Variants in FILIP1L observed in about 807,000 individuals in gnomAD.
FILIP1L encodes filamin A-interacting protein 1-like.
Under a neutral mutation model 96.6 loss-of-function variants are expected in FILIP1L, and 55 were observed. The observed-to-expected ratio is 0.57, with a 90% confidence interval of 0.46 to 0.71. The LOEUF (loss-of-function observed/expected upper bound fraction) is 0.71. Ranked by LOEUF, FILIP1L falls within the 30% of genes least tolerant of loss-of-function variation. FILIP1L has a pLI of 0.00. For synonymous variants in FILIP1L, 467 were observed against 473.9 expected (o/e 0.99, Z 0.19); for missense variants, 1,304 against 1,321.2 (o/e 0.99, Z 0.20).
chr3:99,983,297 G>A (rs1486310476), intron 1 of FILIP1L, among the ~76,000 whole-genome samples: 1 of 149,780 alleles, frequency 6.7e-6, no homozygotes, highest in Admixed American at 6.7e-5. Flanking sequence ...ACTTTGGGAG[G>A]CCAAGGCAGG....
At position 99,951,062 on chromosome 3, in the gene FILIP1L, C is replaced by T. The variant is rs536440904; in HGVS notation, c.-10-20032G>A. ...CCTTTGTCACTCTTTCTGCACCTAA[C>T]GTGCTGGCCTTGAGTTAAGTCACTT... On this transcript the variant is annotated intron_variant, in intron 1 of 5. Coordinates refer to ENST00000477258, the MANE Select transcript of FILIP1L (RefSeq NM_001387850.1). Among the ~76,000 whole-genome samples the T allele has an allele frequency of 1.1e-4, 16 of 152,338 alleles. No homozygotes were observed. The South Asian group carries it at 2.7e-3, about 26-fold the overall frequency.
intron 4 of FILIP1L, among the ~76,000 whole-genome samples, chr3:99,864,173 T>C (rs891115216): frequency 1.3e-5 from 2 of 152,226 alleles, no homozygotes; most frequent in Admixed American, 6.5e-5. Context: ...GCTTGAGTGT[T>C]GTATATCTAT....
At chr3:99,837,461 C>T (rs563298894) in intron 5 of FILIP1L, among the ~76,000 whole-genome samples, 28 of 151,736 alleles carry the variant, frequency 1.8e-4, no homozygotes, top group African/African-American at 5.6e-4. Context: ...ACAGCCAAAC[C>T]ACTAATTGTA....
At chr3:99,912,124 A>T (rs1180848525) in intron 4 of FILIP1L, among the ~76,000 whole-genome samples, 1 of 152,214 alleles carries the variant, frequency 6.6e-6, no homozygotes, top group African/African-American at 2.4e-5. Flanking sequence ...CAATCAAGTT[A>T]TACATCCATA....
intron 1 of FILIP1L, among the ~76,000 whole-genome samples, chr3:99,973,559 T>G (rs927074231): frequency 3.3e-5 from 5 of 152,228 alleles, no homozygotes; most frequent in African/African-American, 1.2e-4. Flanking sequence ...TAATGTTGCT[T>G]TATTTCATGA....
intron 4 of FILIP1L, among the ~76,000 whole-genome samples, chr3:99,912,121 G>T (rs1559685376): frequency 6.6e-6 from 1 of 152,112 alleles, no homozygotes; most frequent in Non-Finnish European, 1.5e-5. Context: ...AATCAATCAA[G>T]TTATACATCC....
At chr3:99,871,455 C>G (rs903222977) in intron 4 of FILIP1L, among the ~76,000 whole-genome samples, 1 of 151,900 alleles carries the variant, frequency 6.6e-6, no homozygotes, top group Non-Finnish European at 1.5e-5. Flanking sequence ...TAAAACTGAC[C>G]CTGAAGGAGT....
intron 1 of FILIP1L, among the ~76,000 whole-genome samples, chr3:100,010,837 C>T (rs1487565957): frequency 1.5e-5 from 2 of 129,972 alleles, no homozygotes; most frequent in African/African-American, 6.0e-5. Context: ...GCATGTTGGT[C>T]AGGCTGGTCT....
At chr3:100,066,517 CTTTTTTTTT>C (rs545356638) in intron 1 of FILIP1L, among the ~76,000 whole-genome samples, 6 of 38,320 alleles carry the variant, frequency 1.6e-4, no homozygotes, top group South Asian at 3.1e-3. Context: ...GGCTTTGCTT[CTTTTTTTTT>C]TTTTTTTTTT....
intron 5 of FILIP1L, among the ~76,000 whole-genome samples, chr3:99,842,805 T>C (rs1363289870): frequency 6.6e-6 from 1 of 152,214 alleles, no homozygotes; most frequent in Non-Finnish European, 1.5e-5. Context: ...CCTGATGGAA[T>C]GTTGACAGAT....
chr3:100,079,924 A>G (rs1422361599), intron 1 of FILIP1L, among the ~76,000 whole-genome samples: 1 of 152,172 alleles, frequency 6.6e-6, no homozygotes, highest in East Asian at 1.9e-4. Context: ...AATAATGCAT[A>G]TATGGGTAAT....
chr3:99,829,984 T>A lies in FILIP1L; in HGVS notation c.*430A>T, dbSNP rs758915428. Among the ~76,000 whole-genome samples the A allele has an allele frequency of 2.0e-5, 3 of 152,252 alleles. No individual in the cohort carries two copies. Among genetic ancestry groups the A allele is most frequent in the Non-Finnish European group, 2.9e-5 (2 of 68,042 alleles). On this transcript the variant is annotated 3_prime_UTR_variant, in exon 6 of 6. Coordinates refer to ENST00000477258, the MANE Select transcript of FILIP1L (RefSeq NM_001387850.1). ...TCCTGTCATCTTGATGGAAATAATC[T>A]GATTTTCTTGACTCAGATTAGGAAT...
chr3:100,028,437 T>C (rs1250419011), intron 1 of FILIP1L, among the ~76,000 whole-genome samples: 12 of 152,190 alleles, frequency 7.9e-5, no homozygotes, highest in African/African-American at 1.2e-4. Flanking sequence ...GCCTTTCTGC[T>C]AAGGTGGTTT....
At position 99,938,698 on chromosome 3, in the gene FILIP1L, T is replaced by C. The variant is rs148256713; in HGVS notation, c.-10-7668A>G. Among the ~76,000 whole-genome samples the C allele has an allele frequency of 3.7e-3, 560 of 152,306 alleles. 1 individual carries two copies. The highest frequency in any genetic ancestry group is 0.013 in the African/African-American group (532 of 41,546). The stretch of plus-strand genomic sequence containing the variant: ...GGCCCCTTTAATATTAACTGACTTA[T>C]GGTAAATGTGATTCATCTATGAAAA... On this transcript the variant is annotated intron_variant, in intron 1 of 5. Transcript: ENST00000477258.
At chr3:100,004,770 C>T (rs947240341) in intron 1 of FILIP1L, among the ~76,000 whole-genome samples, 2 of 152,162 alleles carry the variant, frequency 1.3e-5, no homozygotes, top group African/African-American at 4.8e-5. Context: ...CACGTAATGT[C>T]ATCAAAATGA....
At chr3:100,061,907 TTAAC>T (rs1475901506) in intron 1 of FILIP1L, among the ~76,000 whole-genome samples, 1 of 152,150 alleles carries the variant, frequency 6.6e-6, no homozygotes, top group Admixed American at 6.6e-5. Flanking sequence ...ATCTGTCATT[TTAAC>T]TATTGCTAAC....
chr3:99,911,172 CA>C (rs1370752130), intron 4 of FILIP1L, among the ~76,000 whole-genome samples: 7 of 151,746 alleles, frequency 4.6e-5, no homozygotes, highest in African/African-American at 1.7e-4. Context: ...TTGCTTCAGC[CA>C]AATGGAAATG....
Position 99,829,072 on chromosome 3 carries a change from A to G in FILIP1L, c.*1342T>C, listed in dbSNP as rs550158132. Among the ~76,000 whole-genome samples, 17 of 152,094 alleles carry G rather than the reference A, an allele frequency of 1.1e-4. No individual in the cohort carries two copies. In the East Asian group the frequency reaches 2.5e-3, roughly 22 times the overall value. Reference sequence around the variant, plus strand: ...AGTGCAATGAGGTGGACTTAGTTAGATAAGTATGGGGAATGGGAGTTCCTT... The same window carrying G: ...AGTGCAATGAGGTGGACTTAGTTAGGTAAGTATGGGGAATGGGAGTTCCTT... On this transcript the variant is annotated 3_prime_UTR_variant, in exon 6 of 6. Coordinates refer to ENST00000477258, the MANE Select transcript of FILIP1L (RefSeq NM_001387850.1).
chr3:99,857,168 T>TC (rs1944006548), intron 4 of FILIP1L, among the ~76,000 whole-genome samples: 1 of 151,292 alleles, frequency 6.6e-6, no homozygotes, highest in African/African-American at 2.5e-5. Flanking sequence ...CCTAAGTAGT[T>TC]TTATTCACTA....
Sources: gnomAD v4.1 joint callset for allele counts (sites outside exome capture counted in the v4.1 genomes callset) on GRCh38, gnomAD v4.1.1 for gene constraint, MANE v1.5 for transcripts, NCBI Gene and HGNC (gene_info 2026-07-23, HGNC 2026-07-21) for gene names.